The following VCL variants were observed in gnomAD, a reference collection of about 807,000 sequenced individuals.
VCL encodes vinculin, also known as epididymis luminal protein 114.
In VCL, 47 loss-of-function variants were observed where a neutral mutation model predicts 125.7. The ratio of observed to expected loss-of-function variants is 0.37; its 90% CI spans 0.30 to 0.48. VCL has a LOEUF of 0.48. Ranked by LOEUF, VCL falls within the 20% of genes least tolerant of loss-of-function variation. The probability of loss-of-function intolerance (pLI) is 0.99; values close to 1 mark genes in which losing one functional copy is unlikely to be tolerated. For synonymous variants in VCL, 458 were observed against 514.6 expected, an observed-to-expected ratio of 0.89 and a Z score of 1.49; for missense variants, 1,069 against 1,455.5, an observed-to-expected ratio of 0.73 and a Z score of 4.32.
At chr10:74,107,549 TTG>T (rs1003816454) in intron 17 of VCL, among the ~76,000 whole-genome samples, 195 bp downstream of exon 17, 4 of 151,010 alleles carry the variant, frequency 2.6e-5, no homozygotes, top group Non-Finnish European at 3.0e-5. Context: ...TATGCATGGG[TTG>T]TGTGTGTGTG....
chr10:74,020,307 C>T (rs1046426089), intron 1 of VCL, among the ~76,000 whole-genome samples: 3 of 152,038 alleles, frequency 2.0e-5, no homozygotes, highest in African/African-American at 7.2e-5. Flanking sequence ...TTTATTGAAG[C>T]TGAATATGAA....
intron 1 of VCL, among the ~76,000 whole-genome samples, chr10:74,042,655 G>A (rs1356515765): frequency 6.6e-6 from 1 of 152,122 alleles, no homozygotes; most frequent in East Asian, 1.9e-4. Flanking sequence ...AATCATAATA[G>A]CTTCAAATAT....
intron 2 of VCL, among the ~76,000 whole-genome samples, chr10:74,060,143 A>G (rs1049993100): frequency 6.6e-6 from 1 of 151,514 alleles, no homozygotes; most frequent in Non-Finnish European, 1.5e-5. Flanking sequence ...CAAAAAATAT[A>G]AAAAATAAAA....
chr10:74,028,223 G>A (rs998812496), intron 1 of VCL, among the ~76,000 whole-genome samples: 3 of 151,792 alleles, frequency 2.0e-5, no homozygotes, highest in African/African-American at 7.3e-5. Flanking sequence ...CTACAGGCAA[G>A]AGCCACCACA....
intron 10 of VCL, 114 bp downstream of exon 10, chr10:74,090,312 A>T: frequency 8.4e-7 from 1 of 1,183,564 alleles, no homozygotes; most frequent in African/African-American, 1.5e-5. Flanking sequence ...CAATTCCCCT[A>T]GGTTAAATGC....
chr10:74,012,365 G>C (rs949848942), intron 1 of VCL, among the ~76,000 whole-genome samples: 1 of 152,168 alleles, frequency 6.6e-6, no homozygotes, highest in Non-Finnish European at 1.5e-5. Context: ...TCAAACTCCA[G>C]CTATGCACAT....
At chr10:74,014,389 G>A (rs1350121556) in intron 1 of VCL, among the ~76,000 whole-genome samples, 1 of 151,852 alleles carries the variant, frequency 6.6e-6, no homozygotes, top group Non-Finnish European at 1.5e-5. Flanking sequence ...GTACAGCCAT[G>A]CCTGGCTAAT....
intron 1 of VCL, among the ~76,000 whole-genome samples, chr10:74,032,463 C>G (rs1028752192): frequency 6.6e-6 from 1 of 151,456 alleles, no homozygotes; most frequent in Non-Finnish European, 1.5e-5. Context: ...TTTGGGAGGC[C>G]GAAGCAGGCA....
At chr10:74,091,247 A>T (rs1226546021) in intron 10 of VCL, among the ~76,000 whole-genome samples, 5 of 152,180 alleles carry the variant, frequency 3.3e-5, no homozygotes. Context: ...TATACATACT[A>T]GGTACTCTTT....
chr10:74,106,582 G>A (rs1337194070), intron 16 of VCL, among the ~76,000 whole-genome samples: 4 of 152,196 alleles, frequency 2.6e-5, no homozygotes, highest in South Asian at 2.1e-4. Flanking sequence ...TTTCAGTCTT[G>A]TCTATGAGTA....
At position 74,090,175 on chromosome 10, in the gene VCL, T is replaced by C. The variant is rs142350240; in HGVS notation, c.1329T>C (p.Ser443=). The C allele has an allele frequency of 9.9e-6, 16 of 1,614,080 alleles. No homozygotes were observed. In the African/African-American group the frequency reaches 1.9e-4, roughly 19 times the overall value. The change falls in exon 10 of 22, where the codon TCT becomes TCC. Residue 443 remains serine, a synonymous_variant. Transcript: ENST00000211998. ...RSLGEISALT[S]KLADLRRQGK... is the part of the protein sequence containing the mutation. ...TTGGGGAAATATCTGCTCTGACTTCTAAATTAGCAGATCTACGAAGACAGT... is the reference window on the plus strand; with the variant it reads ...TTGGGGAAATATCTGCTCTGACTTCCAAATTAGCAGATCTACGAAGACAGT...
intron 18 of VCL, 53 bp from the exon 19 acceptor site, chr10:74,111,856 A>T: frequency 6.2e-7 from 1 of 1,607,254 alleles, no homozygotes; most frequent in Admixed American, 1.7e-5. Context: ...CCCAAGTCGT[A>T]TTGCTCTTAC....
chr10:74,100,721 G>A (rs1039175503), intron 13 of VCL, among the ~76,000 whole-genome samples: 1 of 152,218 alleles, frequency 6.6e-6, no homozygotes, highest in Non-Finnish European at 1.5e-5. Flanking sequence ...GCGTGTGTGT[G>A]TGAGTGTGTT....
At chr10:74,026,417 TC>T (rs1423418560) in intron 1 of VCL, among the ~76,000 whole-genome samples, 3 of 152,310 alleles carry the variant, frequency 2.0e-5, no homozygotes, top group African/African-American at 7.2e-5. Context: ...TTGACAAACT[TC>T]TCTGTGACTC....
At chr10:74,101,256 C>T (rs565869143) in intron 14 of VCL, among the ~76,000 whole-genome samples, 159 bp downstream of exon 14, 5 of 151,246 alleles carry the variant, frequency 3.3e-5, no homozygotes, top group South Asian at 2.1e-4. Context: ...GAGGGTGAGG[C>T]GGGAGGACTG....
At chr10:74,079,909 G>T (rs1839650587) in intron 6 of VCL, among the ~76,000 whole-genome samples, 1 of 152,114 alleles carries the variant, frequency 6.6e-6, no homozygotes, top group Non-Finnish European at 1.5e-5. Flanking sequence ...ATTAAATGCA[G>T]CTTCATTCAA....
intron 11 of VCL, among the ~76,000 whole-genome samples, chr10:74,095,190 G>A (rs981748757): frequency 6.6e-6 from 1 of 152,164 alleles, no homozygotes; most frequent in Non-Finnish European, 1.5e-5. Context: ...CAGCATAAAT[G>A]TTTAATAATA....
chr10:74,030,134 T>G (rs905002688), intron 1 of VCL, among the ~76,000 whole-genome samples: 2 of 152,200 alleles, frequency 1.3e-5, no homozygotes, highest in African/African-American at 4.8e-5. Context: ...AGGAGCCAAA[T>G]AGGCAATGAG....
intron 8 of VCL, among the ~76,000 whole-genome samples, chr10:74,087,528 T>TCG (rs1839803807): frequency 6.9e-6 from 1 of 144,670 alleles, no homozygotes; most frequent in African/African-American, 2.5e-5. Context: ...TTTTTTTTTT[T>TCG]TTTTTGGATT....
Sources: gnomAD v4.1 joint callset for allele counts (sites outside exome capture counted in the v4.1 genomes callset) on GRCh38, gnomAD v4.1.1 for gene constraint, MANE v1.5 for transcripts, NCBI Gene and HGNC (gene_info 2026-07-23, HGNC 2026-07-21) for gene names.